Variants in PFAS observed in about 807,000 individuals in gnomAD.
The protein encoded by PFAS is phosphoribosylformylglycinamidine synthase.
Under a neutral mutation model 140.6 loss-of-function variants are expected in PFAS, and 97 were observed. That is an observed-to-expected ratio of 0.69 (90% CI 0.59 to 0.82). The LOEUF is 0.82. PFAS is among the 40% of genes least tolerant of loss of function. The probability of loss-of-function intolerance (pLI) is 0.00; values close to 1 mark genes in which losing one functional copy is unlikely to be tolerated. For missense variants in PFAS, 1,656 were observed against 1,780.2 expected (o/e 0.93, Z 1.26); for synonymous variants, 679 against 718.8 (o/e 0.94, Z 0.88).
intron 11 of PFAS, among the ~76,000 whole-genome samples, chr17:8,259,957 T>C (rs1989524973): frequency 6.6e-6 from 1 of 151,904 alleles, no homozygotes; most frequent in Admixed American, 6.6e-5. Context: ...AAATATTAGC[T>C]GGGTGTGGTG....
chr17:8,260,775 C>T (rs1049070266), intron 11 of PFAS, among the ~76,000 whole-genome samples: 4 of 152,170 alleles, frequency 2.6e-5, no homozygotes, highest in African/African-American at 9.7e-5. Flanking sequence ...CAGGTGCCCA[C>T]CACCACGCCC....
Position 8,267,136 on chromosome 17 carries a change from C to T in PFAS, c.3076C>T (p.Arg1026Cys), listed in dbSNP as rs1462433326. 21 of 1,612,290 alleles carry T rather than the reference C, an allele frequency of 1.3e-5. No individual in the cohort carries two copies. Among genetic ancestry groups the T allele is most frequent in the Admixed American group, 8.4e-5 (5 of 59,774 alleles). The change falls in exon 24 of 28, where the codon CGC (arginine) becomes TGC (cysteine). Residue 1026 changes from arginine (R) to cysteine (C), a missense_variant. Arg to Cys is a radical substitution (Grantham distance 180, BLOSUM62 -3). Transcript: ENST00000314666. The surrounding 1 kb of genome is among the most constrained non-coding windows in gnomAD (Gnocchi z 4.9). ...FQLDRLQAEP[R>C]CVAEEERGLR... is the part of the protein sequence containing the mutation. ...GCTGGACCGGCTACAGGCAGAGCCT[C>T]GCTGTGTGGCAGAGGAGGAACGGGG...
At chr17:8,268,896 G>C (rs1180369015) in intron 27 of PFAS, 40 bp downstream of exon 27, 4 of 1,612,106 alleles carry the variant, frequency 2.5e-6, no homozygotes, top group African/African-American at 1.3e-5. Flanking sequence ...CCGAGGGTTG[G>C]GGGCAAGGGT....
At chr17:8,256,812 C>T in intron 8 of PFAS, 23 bp from the exon 9 acceptor site, 1 of 1,580,098 alleles carries the variant, frequency 6.3e-7, no homozygotes, top group East Asian at 2.2e-5. Flanking sequence ...GCACCCAGAC[C>T]TCTCCCCACT....
chr17:8,255,408 C>A, intron 4 of PFAS, 94 bp from the exon 5 acceptor site: 1 of 997,014 alleles, frequency 1.0e-6, no homozygotes, highest in Non-Finnish European at 1.5e-6. Flanking sequence ...TGGCAGTGGG[C>A]TAGCCTTGCA....
At chr17:8,263,307 A>G in intron 13 of PFAS, 42 bp downstream of exon 13, 4 of 1,607,956 alleles carry the variant, frequency 2.5e-6, no homozygotes, top group Non-Finnish European at 3.4e-6. Flanking sequence ...CCTGCCTGGT[A>G]TCCTGCCAGG....
Position 8,255,558 on chromosome 17 carries a change from C to T in PFAS, c.441C>T (p.Asp147=), listed in dbSNP as rs1479729892. ...CCATTGCTCTGGCTACCCTGCACGACCGGATGACAGAGCAGCACTTCCCCC... is the reference window on the plus strand; with the variant it reads ...CCATTGCTCTGGCTACCCTGCACGATCGGATGACAGAGCAGCACTTCCCCC... ...VEAIALATLH[D]RMTEQHFPHP... The change falls in exon 5 of 28, where the codon GAC becomes GAT. Residue 147 remains aspartate, a synonymous_variant. Transcript: ENST00000314666. The T allele has an allele frequency of 6.5e-7, 1 of 1,546,304 alleles. No homozygotes were observed. Among genetic ancestry groups the T allele is most frequent in the Non-Finnish European group, 8.7e-7 (1 of 1,152,744 alleles).
intron 3 of PFAS, 58 bp from the exon 4 acceptor site, chr17:8,254,969 C>T (rs1989300457): frequency 1.6e-6 from 2 of 1,236,608 alleles, no homozygotes; most frequent in Non-Finnish European, 2.4e-6. Flanking sequence ...AGGATCCACC[C>T]TCCCAGCTGA....
At position 8,268,648 on chromosome 17, in the gene PFAS, G is replaced by C. The variant is rs762340338; in HGVS notation, c.3498G>C (p.Leu1166=). 8.7e-6 allele frequency: 14 copies of C among 1,613,664 alleles called. No individual in the cohort carries two copies. In the Admixed American group the frequency reaches 2.3e-4, roughly 27 times the overall value. Residue 1166 remains leucine (L), a synonymous_variant, in exon 27 of 28, where the codon CTG becomes CTC. Transcript: ENST00000314666. The part of the protein sequence containing the change: ...GVCNGCQLLA[L]LGWVGGDPNE... Reference sequence around the variant, plus strand: ...GTAATGGCTGTCAACTGCTGGCTCTGCTCGGCTGGGTGGGAGGCGACCCCA... The same window carrying C: ...GTAATGGCTGTCAACTGCTGGCTCTCCTCGGCTGGGTGGGAGGCGACCCCA...
intron 11 of PFAS, among the ~76,000 whole-genome samples, chr17:8,258,727 C>T (rs890188013): frequency 1.3e-5 from 2 of 152,046 alleles, no homozygotes; most frequent in Admixed American, 6.6e-5. Context: ...TGGCTCATGC[C>T]TGTAATCCCA....
chr17:8,267,379 C>T lies in PFAS; in HGVS notation c.3183C>T (p.Pro1061=), dbSNP rs780455935. 9 of 1,613,908 alleles carry T rather than the reference C, an allele frequency of 5.6e-6. No homozygotes were observed. In the East Asian group the frequency reaches 8.9e-5, roughly 16 times the overall value. Residue 1061 remains proline (P), a synonymous_variant, in exon 25 of 28, where the codon CCC becomes CCT. Coordinates refer to ENST00000314666, the MANE Select transcript of PFAS (RefSeq NM_012393.3). The surrounding 1 kb of genome is among the most constrained non-coding windows in gnomAD (Gnocchi z 4.9). ...KASVPREPGG[P]SPRVAILREE... is the part of the protein sequence containing the mutation. ...CACTTATTCTCCCCCAAGGTGGTCC[C>T]AGCCCCCGAGTCGCCATCTTGCGAG...
chr17:8,267,059 T>C lies in PFAS; in HGVS notation c.2999T>C (p.Leu1000Pro). 1 of 1,614,056 alleles carries C rather than the reference T, an allele frequency of 6.2e-7. No homozygotes were observed. Among genetic ancestry groups the C allele is most frequent in the Non-Finnish European group, 8.5e-7 (1 of 1,180,016 alleles). Residue 1000 changes from leucine (L) to proline (P), a missense_variant, in exon 24 of 28, where the codon CTG (leucine) becomes CCG (proline). Leu to Pro is a moderately conservative substitution (Grantham distance 98). This residue lies in a region of PFAS where 883 missense variants were observed against 1,023.0 expected (regional missense o/e 0.86). Coordinates refer to ENST00000314666, the MANE Select transcript of PFAS (RefSeq NM_012393.3). This position sits in a 1 kb window ranked among gnomAD's most constrained non-coding sequence, Gnocchi z 4.9. ...VRVSVNGAVV[L>P]EEPVGELRAL... ...GTGTCAGTGAACGGGGCTGTGGTTCTGGAGGAGCCTGTTGGGGAGCTGCGA... is the reference window on the plus strand; with the variant it reads ...GTGTCAGTGAACGGGGCTGTGGTTCCGGAGGAGCCTGTTGGGGAGCTGCGA...
Position 8,256,372 on chromosome 17 carries a change from C to G in PFAS, c.786C>G (p.Asn262Lys), listed in dbSNP as rs368386929. 10 of 1,613,952 alleles carry G rather than the reference C, an allele frequency of 6.2e-6. No homozygotes were observed. The highest frequency in any genetic ancestry group is 1.3e-5 in the African/African-American group (1 of 74,928). ...ESIMSTQESS[N>K]PNNVLKFCDN... ...TCATGAGCACCCAGGAATCCTCGAACCCCAACAACGTCCTCAAATTCTGTG... is the reference window on the plus strand; with the variant it reads ...TCATGAGCACCCAGGAATCCTCGAAGCCCAACAACGTCCTCAAATTCTGTG... Residue 262 changes from asparagine (N) to lysine (K), a missense_variant, in exon 7 of 28, where the codon AAC (asparagine) becomes AAG (lysine). Physicochemically the swap from Asn to Lys is moderately conservative, Grantham distance 94 (BLOSUM62 0). Transcript: ENST00000314666.
rs376287642 is a variant in PFAS at position 8,264,874 on chromosome 17, T to C, written c.2050-21T>C. 11 of 1,507,014 alleles carry C rather than the reference T, an allele frequency of 7.3e-6. No individual in the cohort carries two copies. In the African/African-American group the frequency reaches 1.4e-4, roughly 19 times the overall value. The allele number at this position is 1,507,014 out of a possible 1,614,324, so 93.4% of individuals were successfully genotyped here. On this transcript the variant is annotated intron_variant, in intron 17 of 27. Coordinates refer to ENST00000314666, the MANE Select transcript of PFAS (RefSeq NM_012393.3). ...CTGTCCCTGTCCCTTGCTCTCTTGC[T>C]AACCCCACCTGGTTCCACAGGTGGA...
rs1567642736 is a variant in PFAS, at chr17:8,263,933, G to C, written c.1788G>C (p.Arg596=). ...ACFVGTITGD[R]RIVLVDDREC... ...TCGTGGGCACCATCACTGGAGACCG[G>C]AGAGTGAGTTGGCCCAGGGAGTTGG... Residue 596 remains arginine (R), a synonymous_variant, in exon 15 of 28, where the codon CGG becomes CGC. Coordinates refer to ENST00000314666, the MANE Select transcript of PFAS (RefSeq NM_012393.3). 6.2e-7 allele frequency: 1 copy of C among 1,612,248 alleles called. No homozygotes were observed. Among genetic ancestry groups the C allele is most frequent in the Non-Finnish European group, 8.5e-7 (1 of 1,179,908 alleles).
At chr17:8,264,683 T>G (rs1989738793) in intron 17 of PFAS, 82 bp downstream of exon 17, 1 of 1,436,120 alleles carries the variant, frequency 7.0e-7, no homozygotes, top group Non-Finnish European at 9.4e-7. Context: ...GAAAGTGCTG[T>G]GGGGGTTTTT....
upstream of PFAS, chr17:8,247,829 G>T (rs1163247145): frequency 3.1e-6 from 2 of 648,280 alleles, no homozygotes; most frequent in East Asian, 2.8e-5. Flanking sequence ...GTGAATGAGG[G>T]AATAAACATT....
rs779154580 is a variant in PFAS, at chr17:8,265,283, C to T, written c.2281-5C>T. 2 of 1,611,436 alleles carry T rather than the reference C, an allele frequency of 1.2e-6. No homozygotes were observed. The highest frequency in any genetic ancestry group is 1.1e-5 in the South Asian group (1 of 90,682). ...CCTCTAATGCTGTGCCTCTGCCACC[C>T]CCAGGATGTGAAGTGTAGCGGGAAC... On this transcript the variant is annotated splice_polypyrimidine_tract_variant and splice_region_variant and intron_variant, in intron 18 of 27. Transcript: ENST00000314666.
At chr17:8,259,985 C>T (rs920314138) in intron 11 of PFAS, among the ~76,000 whole-genome samples, 1 of 151,892 alleles carries the variant, frequency 6.6e-6, no homozygotes, top group African/African-American at 2.4e-5. Context: ...CCTATAATCC[C>T]AGCTACTCGG....
Sources: gnomAD v4.1 joint callset for allele counts (sites outside exome capture counted in the v4.1 genomes callset) on GRCh38, gnomAD v4.1.1 for gene constraint, gnomAD v4.1.1 regional missense constraint, Gnocchi (gnomAD v3.1) non-coding constraint, MANE v1.5 for transcripts, NCBI Gene and HGNC (gene_info 2026-07-23, HGNC 2026-07-21) for gene names.